PARD3B: variants seen among roughly 807,000 people sequenced by gnomAD.
PARD3B encodes par-3 family cell polarity regulator beta.
A neutral mutation model predicts 130.2 loss-of-function variants in PARD3B; 103 were observed. The observed-to-expected ratio is 0.79, with a 90% CI of 0.67 to 0.93. The LOEUF (loss-of-function observed/expected upper bound fraction) is 0.93. Among genes scored for constraint, PARD3B ranks in the 40% least tolerant of loss-of-function variants. The pLI is 0.00. For synonymous variants in PARD3B, 583 were observed against 553.2 expected (o/e 1.05, Z -0.76); for missense variants, 1,609 against 1,499.2 (o/e 1.07, Z -1.21).
At chr2:204,608,349 C>A (rs746695744) in intron 1 of PARD3B, among the ~76,000 whole-genome samples, 19 of 152,150 alleles carry the variant, frequency 1.2e-4, no homozygotes, top group Non-Finnish European at 2.5e-4. Flanking sequence ...TTCACTCTGG[C>A]TTTTTTCCCG....
intron 2 of PARD3B, among the ~76,000 whole-genome samples, chr2:204,766,991 A>T (rs866112260): frequency 7.0e-3 from 678 of 97,482 alleles, no homozygotes; most frequent in Middle Eastern, 0.023. Context: ...CACATTTTTT[A>T]TTTTATTTTT....
chr2:205,279,311 T>C (rs1040801460), intron 16 of PARD3B, among the ~76,000 whole-genome samples: 5 of 152,100 alleles, frequency 3.3e-5, no homozygotes, highest in African/African-American at 1.2e-4. Flanking sequence ...CTCTATCACC[T>C]ACACATGCTG....
At chr2:205,172,449 C>T (rs907878404) in intron 12 of PARD3B, 68 bp downstream of exon 12, 1 of 1,458,854 alleles carries the variant, frequency 6.9e-7, no homozygotes. Flanking sequence ...GACTTCCATT[C>T]CTAGTATGGC....
rs193302511 is a variant in PARD3B, at chr2:204,960,646, C to T, written c.223-4506C>T. Among the ~76,000 whole-genome samples the T allele has an allele frequency of 7.2e-5, 11 of 151,992 alleles. No homozygotes were observed. In the East Asian group the frequency reaches 1.9e-3, roughly 27 times the overall value. On this transcript the variant is annotated intron_variant, in intron 2 of 22. Transcript: ENST00000406610. ...GTGTTAGGTTTTAGTATCTGTTTGC[C>T]TCATATTTCACTAATTTTTTTCAGC...
chr2:204,706,114 G>C (rs1206915764), intron 2 of PARD3B, among the ~76,000 whole-genome samples: 1 of 152,088 alleles, frequency 6.6e-6, no homozygotes, highest in Admixed American at 6.6e-5. Context: ...TTACATAAGA[G>C]TAAGGAGAAT....
At chr2:204,813,059 T>G (rs946008513) in intron 2 of PARD3B, among the ~76,000 whole-genome samples, 2 of 152,232 alleles carry the variant, frequency 1.3e-5, no homozygotes, top group Non-Finnish European at 2.9e-5. Context: ...ACCTATACTT[T>G]TATTTCTCTT....
chr2:205,463,999 A>T lies in PARD3B; in HGVS notation c.3044+23327A>T, dbSNP rs1247811779. 2.0e-5 allele frequency among the ~76,000 whole-genome samples: 3 copies of T among 152,164 alleles called. No homozygotes were observed. The highest frequency in any genetic ancestry group is 7.2e-5 in the African/African-American group (3 of 41,448). ...TGCCTGCCACAGAGTTCTGAGTTAGAGTAGTCAGAACCCATGGGATTTTTA... is the reference window on the plus strand; with the variant it reads ...TGCCTGCCACAGAGTTCTGAGTTAGTGTAGTCAGAACCCATGGGATTTTTA... On this transcript the variant is annotated intron_variant, in intron 20 of 22. Transcript: ENST00000406610. This position sits in a 1 kb window ranked among gnomAD's most constrained non-coding sequence, Gnocchi z 4.8.
In PARD3B at chr2:205,125,570, T is replaced by A. The variant is rs2031277204; in HGVS notation, c.1306-39T>A. 2.5e-6 allele frequency: 4 copies of A among 1,605,482 alleles called. No individual in the cohort carries two copies. In the South Asian group the frequency reaches 3.3e-5, roughly 13 times the overall value. On this transcript the variant is annotated intron_variant, in intron 9 of 22. Transcript: ENST00000406610. The surrounding 1 kb of genome is among the most constrained non-coding windows in gnomAD (Gnocchi z 4.0). ...ATCTAGTGTAGAAGGAGATAACAAG[T>A]ATTGTGATTGTGGCTGTTCATATGC...
In PARD3B at chr2:205,539,206, G is replaced by A. The variant is rs371879751; in HGVS notation, c.3181-14118G>A. ...GATTGTCTGACCTACCCTCCCTGCC[G>A]TGTCATTCTCTTTGAGTGAAATAGT... On this transcript the variant is annotated intron_variant, in intron 21 of 22. Coordinates refer to ENST00000406610, the MANE Select transcript of PARD3B (RefSeq NM_001302769.2). Among the ~76,000 whole-genome samples the A allele has an allele frequency of 7.9e-5, 12 of 152,236 alleles. No homozygotes were observed. The South Asian group carries it at 2.1e-3, about 26-fold the overall frequency.
At chr2:204,960,345 C>T (rs1176364870) in intron 2 of PARD3B, among the ~76,000 whole-genome samples, 1 of 152,048 alleles carries the variant, frequency 6.6e-6, no homozygotes, top group African/African-American at 2.4e-5. Context: ...GCTGACTCCC[C>T]GTTTTGAAAG....
chr2:204,749,449 T>C (rs2040375433), intron 2 of PARD3B, among the ~76,000 whole-genome samples: 1 of 152,180 alleles, frequency 6.6e-6, no homozygotes, highest in South Asian at 2.1e-4. Context: ...ATATTTCAAG[T>C]TCATAGAGAA....
At chr2:205,052,452 AAAT>A (rs1699284141) in intron 4 of PARD3B, among the ~76,000 whole-genome samples, 1 of 20,528 alleles carries the variant, frequency 4.9e-5, no homozygotes. Context: ...TATATATATA[AAAT>A]TAAAAAAATA....
At chr2:204,711,239 C>G (rs904624188) in intron 2 of PARD3B, among the ~76,000 whole-genome samples, 2 of 152,080 alleles carry the variant, frequency 1.3e-5, no homozygotes, top group Non-Finnish European at 2.9e-5. Context: ...TTCCTCTTCT[C>G]CCCATATTTC....
chr2:204,703,215 C>T (rs2037977630), intron 2 of PARD3B, among the ~76,000 whole-genome samples: 2 of 152,152 alleles, frequency 1.3e-5, no homozygotes, highest in African/African-American at 4.8e-5. Context: ...ATCTGTCAGT[C>T]TCCAAAGCCA....
At chr2:204,567,326 C>T (rs1421066480) in intron 1 of PARD3B, among the ~76,000 whole-genome samples, 1 of 152,086 alleles carries the variant, frequency 6.6e-6, no homozygotes, top group Admixed American at 6.6e-5. Context: ...AAAACTTGTT[C>T]ATCTTCCCAA....
chr2:205,339,780 C>T (rs1055885874), intron 18 of PARD3B, among the ~76,000 whole-genome samples: 5 of 151,988 alleles, frequency 3.3e-5, no homozygotes, highest in Non-Finnish European at 7.4e-5. Flanking sequence ...GGACACCGAC[C>T]GGGATGGTGA....
intron 21 of PARD3B, among the ~76,000 whole-genome samples, chr2:205,551,274 A>G (rs2052633857): frequency 6.6e-6 from 1 of 151,880 alleles, no homozygotes; most frequent in African/African-American, 2.4e-5. Flanking sequence ...CATAAGAAAT[A>G]GTTTAAAAAC....
At chr2:204,546,223 G>A (rs1463906052) in intron 1 of PARD3B, 104 bp downstream of exon 1, 1 of 1,458,300 alleles carries the variant, frequency 6.9e-7, no homozygotes, top group Non-Finnish European at 9.3e-7. Context: ...GGGGATTATG[G>A]GGCACTGCCT....
At chr2:204,968,642 T>G (rs895890580) in intron 3 of PARD3B, among the ~76,000 whole-genome samples, 1 of 152,242 alleles carries the variant, frequency 6.6e-6, no homozygotes, top group African/African-American at 2.4e-5. Flanking sequence ...TTCCTTTGTC[T>G]CTTTACTGTA....
Sources: gnomAD v4.1 joint callset for allele counts (sites outside exome capture counted in the v4.1 genomes callset) on GRCh38, gnomAD v4.1.1 for gene constraint, Gnocchi (gnomAD v3.1) non-coding constraint, MANE v1.5 for transcripts, NCBI Gene and HGNC (gene_info 2026-07-23, HGNC 2026-07-21) for gene names.